Variants in DDX11 observed in about 807,000 individuals in gnomAD.
DDX11 encodes the protein ATP-dependent DNA helicase DDX11.
DDX11 carries 72 observed loss-of-function variants against 125.2 expected under a neutral mutation model. The ratio of observed to expected loss-of-function variants is 0.58; its 90% CI spans 0.48 to 0.70. The LOEUF is 0.70. Among genes scored for constraint, DDX11 ranks in the 30% least tolerant of loss-of-function variants. The pLI is 0.00. For synonymous variants in DDX11, 347 were observed against 452.6 expected (o/e 0.77, Z 2.96); for missense variants, 883 against 1,165.0 (o/e 0.76, Z 3.52).
At chr12:31,074,758 G>C (rs987046862) in intron 1 of DDX11, among the ~76,000 whole-genome samples, 55 of 152,322 alleles carry the variant, frequency 3.6e-4, no homozygotes, top group African/African-American at 1.2e-3. Flanking sequence ...CTTTTTTCTT[G>C]GGGCTGTGGT....
chr12:31,096,893 C>T lies in DDX11; in HGVS notation c.1665C>T (p.Ser555=). The change falls in exon 17 of 27, where the codon AGC becomes AGT. Residue 555 remains serine (S), a synonymous_variant. Coordinates refer to ENST00000542838, the MANE Select transcript of DDX11 (RefSeq NM_030653.4). ...LAAPADESQA[S]TLRPASPLMH... ...CCCCTGCAGACGAGAGTCAGGCCAG[C>T]ACCCTGCGACCAGCTTCTCCACTGA... 5 of 1,614,208 alleles carry T rather than the reference C, an allele frequency of 3.1e-6. No homozygotes were observed. Among genetic ancestry groups the T allele is most frequent in the Non-Finnish European group, 4.2e-6 (5 of 1,180,044 alleles).
Position 31,083,856 on chromosome 12 carries a change from G to A in DDX11, c.188G>A (p.Arg63His), listed in dbSNP as rs759186293. The A allele has an allele frequency of 1.8e-5, 29 of 1,612,340 alleles. No homozygotes were observed. Among genetic ancestry groups the A allele is most frequent in the Middle Eastern group, 2.1e-4 (1 of 4,870 alleles). ...ATTTGTGGGGCCCTCTCTTGGCTCC[G>A]TGACTTTGAACAGAAGAAGCGTGAA... ...SLICGALSWL[R>H]DFEQKKREEE... Residue 63 changes from arginine to histidine, a missense_variant, in exon 3 of 27, where the codon CGT (arginine) becomes CAT (histidine). By Grantham distance (29) the Arg-to-His change is conservative (BLOSUM62 0). Coordinates refer to ENST00000542838, the MANE Select transcript of DDX11 (RefSeq NM_030653.4).
chr12:31,082,861 C>A (rs1389866429), intron 2 of DDX11, among the ~76,000 whole-genome samples: 1 of 152,202 alleles, frequency 6.6e-6, no homozygotes, highest in Non-Finnish European at 1.5e-5. Context: ...TCTCTTCAGG[C>A]CCCTTTCCTT....
intron 18 of DDX11, among the ~76,000 whole-genome samples, chr12:31,098,960 G>T (rs914998398): frequency 3.9e-5 from 6 of 152,020 alleles, no homozygotes; most frequent in African/African-American, 1.4e-4. Flanking sequence ...CTTGTAATGG[G>T]GAATGACATT....
chr12:31,074,728 T>C (rs1025813725), intron 1 of DDX11, among the ~76,000 whole-genome samples: 4 of 152,248 alleles, frequency 2.6e-5, no homozygotes, highest in Admixed American at 2.6e-4. Context: ...TGGCCCTGGC[T>C]TAACAGCAGT....
intron 14 of DDX11, among the ~76,000 whole-genome samples, chr12:31,096,007 C>T (rs1030171242): frequency 8.2e-6 from 1 of 122,404 alleles, no homozygotes; most frequent in Non-Finnish European, 1.6e-5. Flanking sequence ...TGGCTTTGCT[C>T]ATAGAAGTTC....
At chr12:31,086,064 C>T (rs981796261) in intron 5 of DDX11, 9 of 454,352 alleles carry the variant, frequency 2.0e-5, no homozygotes, top group Non-Finnish European at 2.6e-5. Flanking sequence ...ATCCACCAGA[C>T]GCCAGCTTCC....
At chr12:31,095,234 C>A (rs1215012570) in intron 14 of DDX11, among the ~76,000 whole-genome samples, 3 of 152,200 alleles carry the variant, frequency 2.0e-5, no homozygotes, top group Admixed American at 6.5e-5. Flanking sequence ...CCCAGCGCTC[C>A]CCAGATGAAA....
Position 31,089,864 on chromosome 12 carries a change from T to A in DDX11, c.881-22T>A, listed in dbSNP as rs758671531. 4 of 1,610,010 alleles carry A rather than the reference T, an allele frequency of 2.5e-6. No homozygotes were observed. The African/African-American group carries it at 5.3e-5, about 22-fold the overall frequency. ...GTTGCTGTCCTCTCTGTTTTCTCTC[T>A]TTGTGCCTGTGCCACCCTCAGAGAA... On this transcript the variant is annotated intron_variant, in intron 8 of 26. Transcript: ENST00000542838.
At position 31,089,969 on chromosome 12, in the gene DDX11, C is replaced by T. The variant is rs1313984852; in HGVS notation, c.964C>T (p.Gln322Ter). 8.8e-6 allele frequency: 14 copies of T among 1,596,036 alleles called. No homozygotes were observed. Among genetic ancestry groups the T allele is most frequent in the Non-Finnish European group, 1.2e-5 (14 of 1,172,690 alleles). The change falls in exon 9 of 27, where the codon CAG becomes TAG. Residue 322 changes from glutamine to a stop codon, truncating the protein, a stop_gained. Coordinates refer to ENST00000542838, the MANE Select transcript of DDX11 (RefSeq NM_030653.4). LOFTEE classifies it high-confidence loss of function. ...QAACPFYNHE[Q>*]MGLLRDEALA... Reference sequence around the variant, plus strand: ...AGCCTGCCCCTTCTACAACCACGAGCAGATGGGCCTTCTCCGGGATGAGGC... The same window carrying T: ...AGCCTGCCCCTTCTACAACCACGAGTAGATGGGCCTTCTCCGGGATGAGGC...
intron 1 of DDX11, chr12:31,077,009 A>G (rs939773093): frequency 6.5e-6 from 1 of 152,734 alleles, no homozygotes; most frequent in African/African-American, 2.4e-5. Flanking sequence ...ACCGAAGAGC[A>G]TCGTGGCAAC....
intron 13 of DDX11, 50 bp downstream of exon 13, chr12:31,094,684 A>T (rs1944905986): frequency 3.2e-6 from 5 of 1,546,682 alleles, no homozygotes; most frequent in Non-Finnish European, 4.4e-6. Context: ...GCCACTTCCG[A>T]GCTTAACCCT....
chr12:31,085,301 C>T (rs1356985401), intron 5 of DDX11, among the ~76,000 whole-genome samples, 175 bp downstream of exon 5: 1 of 152,260 alleles, frequency 6.6e-6, no homozygotes, highest in Non-Finnish European at 1.5e-5. Flanking sequence ...GCAGTGAGGA[C>T]AGTCACCGGC....
chr12:31,086,519 G>A (rs1045921367), intron 5 of DDX11, among the ~76,000 whole-genome samples: 3 of 151,988 alleles, frequency 2.0e-5, no homozygotes, highest in Admixed American at 6.6e-5. Flanking sequence ...TTTATGCCTC[G>A]CTGGTGAGAG....
intron 25 of DDX11, 23 bp downstream of exon 25, chr12:31,103,418 G>A (rs1350321547): frequency 1.2e-6 from 2 of 1,603,412 alleles, no homozygotes; most frequent in Non-Finnish European, 8.5e-7. Flanking sequence ...GCCTCCAGCT[G>A]GGTGGACAGA....
intron 5 of DDX11, among the ~76,000 whole-genome samples, chr12:31,085,623 T>C (rs554391620): frequency 1.3e-5 from 2 of 152,312 alleles, no homozygotes; most frequent in East Asian, 3.9e-4. Flanking sequence ...AGCCATGAGC[T>C]GCTGGGTGAC....
At chr12:31,089,571 T>G (rs753799811) in intron 8 of DDX11, 81 bp downstream of exon 8, 3 of 1,452,900 alleles carry the variant, frequency 2.1e-6, no homozygotes, top group Non-Finnish European at 2.9e-6. Context: ...GACCATTAAG[T>G]GTCTTTCATA....
chr12:31,098,699 C>CAGCTG (rs1471475407), intron 18 of DDX11, among the ~76,000 whole-genome samples: 1 of 152,222 alleles, frequency 6.6e-6, no homozygotes, highest in African/African-American at 2.4e-5. Context: ...TTCCCAGCCC[C>CAGCTG]AGCTGCCTTA....
intron 1 of DDX11, among the ~76,000 whole-genome samples, chr12:31,077,248 T>C (rs36123089): frequency 0.11 from 16,481 of 151,974 alleles, 964 homozygotes; most frequent in African/African-American, 0.14. Flanking sequence ...TTACTTCTCC[T>C]TTCTTCCTTG....
Sources: gnomAD v4.1 joint callset for allele counts (sites outside exome capture counted in the v4.1 genomes callset) on GRCh38, gnomAD v4.1.1 for gene constraint, MANE v1.5 for transcripts, NCBI Gene and HGNC (gene_info 2026-07-23, HGNC 2026-07-21) for gene names.